Variants in CDH12 observed in about 807,000 individuals in gnomAD.
CDH12 encodes the protein cadherin-12.
Under a neutral mutation model 74.1 loss-of-function variants are expected in CDH12, and 41 were observed. That is an observed-to-expected ratio of 0.55 (90% CI 0.43 to 0.72). The LOEUF (loss-of-function observed/expected upper bound fraction) is 0.72, where lower values mean the gene tolerates loss of function less well. CDH12 is among the 30% of genes least tolerant of loss of function. The pLI, the probability that CDH12 is intolerant of heterozygous loss-of-function variation, is 0.00. For synonymous variants in CDH12, 399 were observed against 355.0 expected, an observed-to-expected ratio of 1.12 and a Z score of -1.39; for missense variants, 945 against 977.2, an observed-to-expected ratio of 0.97 and a Z score of 0.44.
At chr5:22,448,507 T>C (rs1234438928) in intron 2 of CDH12, among the ~76,000 whole-genome samples, 15 of 152,060 alleles carry the variant, frequency 9.9e-5, no homozygotes, top group Non-Finnish European at 1.3e-4. Context: ...TGGTGAATTA[T>C]TGTGATACAG....
At chr5:22,801,565 T>A (rs1748514507) in intron 1 of CDH12, among the ~76,000 whole-genome samples, 1 of 149,370 alleles carries the variant, frequency 6.7e-6, no homozygotes, top group African/African-American at 2.4e-5. Flanking sequence ...CTTCTATTTT[T>A]AATCTTAACA....
intron 6 of CDH12, among the ~76,000 whole-genome samples, chr5:21,881,807 G>A (rs1752368345): frequency 1.3e-5 from 2 of 152,076 alleles, no homozygotes; most frequent in Admixed American, 1.3e-4. Context: ...AGCTACACTT[G>A]CCTAAGATCA....
In CDH12 at chr5:22,768,219, C is replaced by G. The variant is rs568379314; in HGVS notation, c.-523+84839G>C. 4.5e-4 allele frequency among the ~76,000 whole-genome samples: 69 copies of G among 152,064 alleles called. 1 individual carries two copies. The highest frequency in any genetic ancestry group is 1.6e-3 in the African/African-American group (68 of 41,502). ...CTTCTATAATTTTCAGTCAAAATCA[C>G]ATTAGGGAAGGAAAAAATCTTCAAT... is the stretch of plus-strand genomic sequence containing the variant. On this transcript the variant is annotated intron_variant, in intron 1 of 14. Coordinates refer to ENST00000382254, the MANE Select transcript of CDH12 (RefSeq NM_004061.5).
intron 3 of CDH12, among the ~76,000 whole-genome samples, chr5:22,378,691 T>C (rs1741639225): frequency 6.6e-6 from 1 of 152,096 alleles, no homozygotes; most frequent in African/African-American, 2.4e-5. Context: ...TATGAGCCAA[T>C]AATCTTTTCT....
chr5:21,903,595 A>T (rs775817243), intron 6 of CDH12, among the ~76,000 whole-genome samples: 2 of 152,120 alleles, frequency 1.3e-5, no homozygotes, highest in Non-Finnish European at 2.9e-5. Flanking sequence ...AATTAAGAGA[A>T]ATTTACTTTC....
At chr5:22,752,304 T>A (rs1745620266) in intron 1 of CDH12, among the ~76,000 whole-genome samples, 1 of 151,948 alleles carries the variant, frequency 6.6e-6, no homozygotes, top group Non-Finnish European at 1.5e-5. Flanking sequence ...GTACATGTAT[T>A]ATATTAATTA....
chr5:22,630,436 T>G lies in CDH12; in HGVS notation c.-522-125072A>C, dbSNP rs143079206. Reference sequence around the variant, plus strand: ...AAAACAAAACAGCATGGTACTGGTATGAAAACAGTCATATAGACCCACGGA... The same window carrying G: ...AAAACAAAACAGCATGGTACTGGTAGGAAAACAGTCATATAGACCCACGGA... On this transcript the variant is annotated intron_variant, in intron 1 of 14. Coordinates refer to ENST00000382254, the MANE Select transcript of CDH12 (RefSeq NM_004061.5). Among the ~76,000 whole-genome samples, 49 of 152,142 alleles carry G rather than the reference T, an allele frequency of 3.2e-4. No individual in the cohort carries two copies. The Middle Eastern group carries it at 0.01, about 32-fold the overall frequency.
At chr5:22,460,117 A>T (rs114435501) in intron 2 of CDH12, among the ~76,000 whole-genome samples, 449 of 152,352 alleles carry the variant, frequency 2.9e-3, no homozygotes, top group African/African-American at 9.7e-3. Flanking sequence ...AGAAAATATA[A>T]GCAGCTAGAA....
intron 8 of CDH12, among the ~76,000 whole-genome samples, chr5:21,827,088 T>C (rs1162272678): frequency 1.3e-5 from 2 of 152,074 alleles, no homozygotes; most frequent in African/African-American, 4.8e-5. Flanking sequence ...AGTCTACAAA[T>C]GAGCAAGCTG....
chr5:22,245,420 C>T (rs1238956320), intron 3 of CDH12, among the ~76,000 whole-genome samples: 3 of 151,994 alleles, frequency 2.0e-5, no homozygotes, highest in Admixed American at 6.5e-5. Context: ...GGAACTTCAA[C>T]ACTATGAAAT....
chr5:21,844,278 A>G lies in CDH12; in HGVS notation c.647-1950T>C, dbSNP rs75589483. On this transcript the variant is annotated intron_variant, in intron 7 of 14. Transcript: ENST00000382254. ...CTTGAAAAAGTTCTTCTCCCACCTTAAAATAAATTGCAATGTTTAAAGATT... is the reference window on the plus strand; with the variant it reads ...CTTGAAAAAGTTCTTCTCCCACCTTGAAATAAATTGCAATGTTTAAAGATT... Among the ~76,000 whole-genome samples, 657 of 152,228 alleles carry G rather than the reference A, an allele frequency of 4.3e-3. 4 individuals are homozygous for G. The highest frequency in any genetic ancestry group is 0.015 in the African/African-American group (624 of 41,554).
chr5:22,567,593 A>G (rs1739348704), intron 1 of CDH12, among the ~76,000 whole-genome samples: 1 of 152,118 alleles, frequency 6.6e-6, no homozygotes, highest in African/African-American at 2.4e-5. Context: ...TGGAAAGACA[A>G]TAATTTTTTT....
intron 2 of CDH12, among the ~76,000 whole-genome samples, chr5:22,458,529 CT>C (rs1745380920): frequency 6.6e-6 from 1 of 152,212 alleles, no homozygotes; most frequent in East Asian, 1.9e-4. Context: ...AGAAAAAATA[CT>C]TCTTTGAATG....
At chr5:22,665,679 G>C (rs1470956239) in intron 1 of CDH12, among the ~76,000 whole-genome samples, 1 of 152,214 alleles carries the variant, frequency 6.6e-6, no homozygotes, top group South Asian at 2.1e-4. Flanking sequence ...TTCACATGAA[G>C]GCAACTTTTT....
intron 4 of CDH12, among the ~76,000 whole-genome samples, chr5:22,088,587 T>C (rs1743214654): frequency 6.6e-6 from 1 of 152,172 alleles, no homozygotes; most frequent in Non-Finnish European, 1.5e-5. Flanking sequence ...TGCATTGGTA[T>C]AGACATTCCT....
intron 1 of CDH12, among the ~76,000 whole-genome samples, chr5:22,793,490 G>T (rs2046943888): frequency 6.6e-6 from 1 of 152,080 alleles, no homozygotes; most frequent in African/African-American, 2.4e-5. Flanking sequence ...ACCCTCTTAG[G>T]CTGACACCAT....
At chr5:22,823,476 T>C (rs764501395) in intron 1 of CDH12, among the ~76,000 whole-genome samples, 2 of 152,122 alleles carry the variant, frequency 1.3e-5, no homozygotes, top group Non-Finnish European at 2.9e-5. Flanking sequence ...TCCATCATGA[T>C]TGTGAGGCCT....
chr5:22,016,602 T>G (rs1249860712), intron 5 of CDH12, among the ~76,000 whole-genome samples: 1 of 152,064 alleles, frequency 6.6e-6, no homozygotes, highest in Non-Finnish European at 1.5e-5. Context: ...GCCAGGATGA[T>G]CTCACTCTCT....
At chr5:22,658,432 T>C (rs1740172530) in intron 1 of CDH12, among the ~76,000 whole-genome samples, 1 of 152,148 alleles carries the variant, frequency 6.6e-6, no homozygotes, top group Non-Finnish European at 1.5e-5. Context: ...TTCTATGCTA[T>C]GTGCATAAAA....
Sources: allele counts gnomAD v4.1 joint callset (sites outside exome capture counted in the v4.1 genomes callset), GRCh38; gene constraint gnomAD v4.1.1; transcripts MANE v1.5; gene names NCBI Gene and HGNC (gene_info 2026-07-23, HGNC 2026-07-21).